The following SCHIP1 variants were observed in gnomAD, a reference collection of about 807,000 sequenced individuals.
SCHIP1 encodes schwannomin interacting protein 1, also known as schwannomin-interacting protein 1.
Under a neutral mutation model 29.7 loss-of-function variants are expected in SCHIP1, and 8 were observed. That is an observed-to-expected ratio of 0.27 (90% confidence interval 0.16 to 0.49). SCHIP1 has a LOEUF of 0.49. Ranked by LOEUF, SCHIP1 falls within the 20% of genes least tolerant of loss-of-function variation. SCHIP1 has a pLI of 0.99. For missense variants in SCHIP1, 193 were observed against 294.6 expected (o/e 0.66, Z 2.52); for synonymous variants, 76 against 94.9 (o/e 0.80, Z 1.16).
At chr3:159,683,044 G>A in the SCHIP1 span, among the ~76,000 whole-genome samples, 1 of 152,098 alleles carries the variant, frequency 6.6e-6, no homozygotes, top group Admixed American at 6.5e-5. Flanking sequence ...AGAATTTCTG[G>A]GAGCAGGATT....
the SCHIP1 span, among the ~76,000 whole-genome samples, chr3:159,639,910 G>A: frequency 6.6e-6 from 1 of 152,130 alleles, no homozygotes; most frequent in Non-Finnish European, 1.5e-5. Context: ...AAGACTGGGT[G>A]TTTATAAAGC....
the SCHIP1 span, among the ~76,000 whole-genome samples, chr3:159,672,523 T>C: frequency 2.6e-5 from 4 of 152,204 alleles, no homozygotes; most frequent in Non-Finnish European, 5.9e-5. Flanking sequence ...GATTCTTAAC[T>C]GGAGCAATTT....
At chr3:159,757,552 C>T in the SCHIP1 span, among the ~76,000 whole-genome samples, 8 of 152,294 alleles carry the variant, frequency 5.3e-5, no homozygotes, top group African/African-American at 1.9e-4. Context: ...ATGACTCAGA[C>T]CTGGAACTCC....
At chr3:159,646,788 C>G in the SCHIP1 span, among the ~76,000 whole-genome samples, 1 of 152,172 alleles carries the variant, frequency 6.6e-6, no homozygotes, top group East Asian at 1.9e-4. Flanking sequence ...GGCACACAGG[C>G]AAAAGTGCTC....
At chr3:159,842,778 A>G (rs1347334683) in intron 1 of SCHIP1, among the ~76,000 whole-genome samples, 1 of 141,150 alleles carries the variant, frequency 7.1e-6, no homozygotes, top group Non-Finnish European at 1.5e-5. Flanking sequence ...AGCATTTGGG[A>G]CATACACTAA....
At chr3:159,762,904 T>C in the SCHIP1 span, among the ~76,000 whole-genome samples, 1 of 152,326 alleles carries the variant, frequency 6.6e-6, no homozygotes, top group Non-Finnish European at 1.5e-5. Context: ...GATATCTACC[T>C]CTTCCCCTCC....
chr3:159,697,189 A>C, the SCHIP1 span, among the ~76,000 whole-genome samples: 1 of 152,326 alleles, frequency 6.6e-6, no homozygotes, highest in African/African-American at 2.4e-5. Flanking sequence ...AAATGTAGAC[A>C]AACTTTAGAG....
the SCHIP1 span, among the ~76,000 whole-genome samples, chr3:159,449,606 A>G: frequency 6.6e-6 from 1 of 152,190 alleles, no homozygotes; most frequent in Non-Finnish European, 1.5e-5. Context: ...CTTTTTTCAT[A>G]TCATAAAATA....
the SCHIP1 span, among the ~76,000 whole-genome samples, chr3:159,559,210 C>G: frequency 6.6e-6 from 1 of 152,186 alleles, no homozygotes; most frequent in Admixed American, 6.5e-5. Flanking sequence ...CAACTCTGCA[C>G]AGATAGAGAA....
At chr3:159,791,458 T>G in the SCHIP1 span, among the ~76,000 whole-genome samples, 1 of 152,212 alleles carries the variant, frequency 6.6e-6, no homozygotes, top group Admixed American at 6.5e-5. Flanking sequence ...GGCTCAGGCA[T>G]AGCCCTCAGG....
chr3:159,334,839 T>C, the SCHIP1 span, among the ~76,000 whole-genome samples: 152 of 152,244 alleles, frequency 1.0e-3, 1 homozygote, highest in South Asian at 0.023. Flanking sequence ...ACTACAGATA[T>C]AGACATTCAT....
At chr3:159,441,853 T>TTATTAC in the SCHIP1 span, among the ~76,000 whole-genome samples, 278 of 151,908 alleles carry the variant, frequency 1.8e-3, 1 homozygote, top group East Asian at 0.024. Context: ...TCTATTATTA[T>TTATTAC]TATTACTATT....
At chr3:159,730,227 T>C in the SCHIP1 span, among the ~76,000 whole-genome samples, 5 of 152,212 alleles carry the variant, frequency 3.3e-5, no homozygotes, top group African/African-American at 1.2e-4. Flanking sequence ...CAAAGAATGA[T>C]GCTAAGACTG....
the SCHIP1 span, among the ~76,000 whole-genome samples, chr3:159,376,252 T>C: frequency 2.0e-4 from 30 of 152,172 alleles, no homozygotes; most frequent in African/African-American, 7.2e-4. Context: ...CCATCCAGCA[T>C]ACAGCTTTTC....
the SCHIP1 span, among the ~76,000 whole-genome samples, chr3:159,577,843 CT>C: frequency 6.6e-6 from 1 of 152,130 alleles, no homozygotes; most frequent in African/African-American, 2.4e-5. Flanking sequence ...CCCAGCAATG[CT>C]TAACATTTTT....
the SCHIP1 span, among the ~76,000 whole-genome samples, chr3:159,285,191 G>A: frequency 6.6e-6 from 1 of 152,026 alleles, no homozygotes; most frequent in Non-Finnish European, 1.5e-5. Flanking sequence ...ACATTCTACT[G>A]ATACTTGAAA....
At chr3:159,296,825 C>T in the SCHIP1 span, among the ~76,000 whole-genome samples, 3 of 151,946 alleles carry the variant, frequency 2.0e-5, no homozygotes, top group Non-Finnish European at 4.4e-5. Context: ...GCAAACAATA[C>T]AGCATTATTA....
the SCHIP1 span, among the ~76,000 whole-genome samples, chr3:159,539,177 G>A: frequency 6.6e-6 from 1 of 152,042 alleles, no homozygotes; most frequent in Non-Finnish European, 1.5e-5. Flanking sequence ...ATTTATGTGA[G>A]TCTGTCTACA....
the SCHIP1 span, among the ~76,000 whole-genome samples, chr3:159,734,055 T>C: frequency 6.6e-6 from 1 of 151,204 alleles, no homozygotes. Context: ...CAAATATAGA[T>C]GCACAAAGAA....
Sources: gnomAD v4.1 joint callset for allele counts (sites outside exome capture counted in the v4.1 genomes callset) on GRCh38, gnomAD v4.1.1 for gene constraint, MANE v1.5 for transcripts, NCBI Gene and HGNC (gene_info 2026-07-23, HGNC 2026-07-21) for gene names.